Variants in BMP5 observed in about 807,000 individuals in gnomAD.
BMP5 encodes bone morphogenetic protein 5.
BMP5 carries 23 observed loss-of-function variants against 46.6 expected under a neutral mutation model. The observed-to-expected ratio is 0.49, with a 90% confidence interval of 0.35 to 0.70. The LOEUF (loss-of-function observed/expected upper bound fraction) is 0.70. BMP5 is among the 30% of genes least tolerant of loss of function. The pLI is 0.00. For synonymous variants in BMP5, 204 were observed against 191.9 expected, an observed-to-expected ratio of 1.06 and a Z score of -0.52; for missense variants, 545 against 565.6, an observed-to-expected ratio of 0.96 and a Z score of 0.37.
At position 55,861,219 on chromosome 6, in the gene BMP5, T is replaced by C. The variant is rs1211156442; in HGVS notation, c.490+13157A>G. ...CAGCCCAAACTTCCACTTTAGTAGG[T>C]TTCTACTAATTTGCTGGCCAATCCC... On this transcript the variant is annotated intron_variant, in intron 1 of 6. Coordinates refer to ENST00000370830, the MANE Select transcript of BMP5 (RefSeq NM_021073.4). Among the ~76,000 whole-genome samples, 20 of 152,156 alleles carry C rather than the reference T, an allele frequency of 1.3e-4. 1 individual carries two copies. Among genetic ancestry groups the C allele is most frequent in the Admixed American group, 1.3e-3 (20 of 15,278 alleles).
chr6:55,865,422 A>C, intron 1 of BMP5: 1 of 505,824 alleles, frequency 2.0e-6, no homozygotes, highest in South Asian at 1.4e-5. Context: ...TAGTATGAAA[A>C]GCACCTTTCA....
intron 2 of BMP5, among the ~76,000 whole-genome samples, chr6:55,806,260 G>T (rs112613388): frequency 0.012 from 1,873 of 152,244 alleles, 34 homozygotes; most frequent in African/African-American, 0.043. Flanking sequence ...GTGTAAGAAA[G>T]GGGTCCAGTT....
intron 5 of BMP5, 57 bp from the exon 6 acceptor site, chr6:55,759,172 A>AC (rs879042530): frequency 1.9e-5 from 14 of 738,720 alleles, no homozygotes; most frequent in Admixed American, 9.4e-5. Flanking sequence ...AAAAAAAAAA[A>AC]AAAAAAAAAA....
chr6:55,841,510 C>T (rs937158865), intron 1 of BMP5, among the ~76,000 whole-genome samples: 2 of 152,148 alleles, frequency 1.3e-5, no homozygotes, highest in Non-Finnish European at 2.9e-5. Context: ...CAAAATGCCA[C>T]AGACTGGTTA....
intron 1 of BMP5, among the ~76,000 whole-genome samples, chr6:55,867,120 T>A (rs1777660875): frequency 1.3e-5 from 2 of 152,172 alleles, no homozygotes; most frequent in South Asian, 4.1e-4. Context: ...ACTGCACCAA[T>A]GGGTTCTGTG....
chr6:55,794,937 G>A lies in BMP5; in HGVS notation c.684-510C>T, dbSNP rs372703716. Reference sequence around the variant, plus strand: ...TTATTTTATGGATACCAAACACCAAGAGAGTATTACAGAGTAATACCACTG... The same window carrying A: ...TTATTTTATGGATACCAAACACCAAAAGAGTATTACAGAGTAATACCACTG... On this transcript the variant is annotated intron_variant, in intron 2 of 6. Transcript: ENST00000370830. 4.9e-4 allele frequency among the ~76,000 whole-genome samples: 75 copies of A among 152,104 alleles called. No homozygotes were observed. In the South Asian group the frequency reaches 0.015, roughly 31 times the overall value.
chr6:55,787,324 T>C (rs888312602), intron 3 of BMP5, among the ~76,000 whole-genome samples: 12 of 151,736 alleles, frequency 7.9e-5, no homozygotes, highest in African/African-American at 2.9e-4. Flanking sequence ...GAACTCTGCA[T>C]TTCTCACACA....
In BMP5 at chr6:55,794,283, C is replaced by T. The variant is rs1447740061; in HGVS notation, c.828G>A (p.Gly276=). 3 of 1,613,836 alleles carry T rather than the reference C, an allele frequency of 1.9e-6. No homozygotes were observed. The highest frequency in any genetic ancestry group is 3.3e-5 in the Admixed American group (2 of 60,010). ...NLGLQLCAET[G]DGRSINVKSA... is the part of the protein sequence containing the mutation. ...TATATAAAATTCAGTGCTTACCATC[C>T]CCTGTTTCTGCACAGAGCTGTAAGC... is the stretch of plus-strand genomic sequence containing the variant. The change falls in exon 3 of 7, where the codon GGG becomes GGA. Residue 276 remains glycine (G), a synonymous_variant. Coordinates refer to ENST00000370830, the MANE Select transcript of BMP5 (RefSeq NM_021073.4).
At chr6:55,847,415 T>G (rs1777123512) in intron 1 of BMP5, among the ~76,000 whole-genome samples, 1 of 151,906 alleles carries the variant, frequency 6.6e-6, no homozygotes, top group Admixed American at 6.6e-5. Flanking sequence ...AAAATTAATC[T>G]TACAAAGTAA....
intron 1 of BMP5, among the ~76,000 whole-genome samples, chr6:55,841,694 A>C (rs967532498): frequency 9.9e-5 from 15 of 152,130 alleles, no homozygotes; most frequent in African/African-American, 3.4e-4. Context: ...CTCTCTGTGC[A>C]TACACACCCC....
intron 1 of BMP5, among the ~76,000 whole-genome samples, chr6:55,846,292 A>G (rs939726271): frequency 7.9e-5 from 12 of 152,012 alleles, no homozygotes; most frequent in Non-Finnish European, 1.6e-4. Flanking sequence ...ATAGGAAATA[A>G]AATAGAAAGG....
chr6:55,786,161 T>G (rs539295214), intron 3 of BMP5, among the ~76,000 whole-genome samples: 10 of 151,796 alleles, frequency 6.6e-5, no homozygotes, highest in African/African-American at 2.4e-4. Context: ...TAAGTTGGGG[T>G]TTGAATGTAA....
intron 1 of BMP5, among the ~76,000 whole-genome samples, chr6:55,821,112 G>A (rs1449155939): frequency 6.6e-6 from 1 of 152,102 alleles, no homozygotes; most frequent in African/African-American, 2.4e-5. Context: ...TAAGATTATG[G>A]AAGGGAAAAG....
intron 4 of BMP5, among the ~76,000 whole-genome samples, chr6:55,769,494 C>T (rs925486936): frequency 3.9e-5 from 6 of 151,980 alleles, no homozygotes; most frequent in African/African-American, 1.4e-4. Context: ...AGTTCTCTTG[C>T]TATTTCTACC....
chr6:55,767,113 C>T (rs558308552), intron 4 of BMP5, among the ~76,000 whole-genome samples: 2 of 151,924 alleles, frequency 1.3e-5, no homozygotes, highest in Non-Finnish European at 2.9e-5. Flanking sequence ...AGACACAATG[C>T]CTTAATGTCT....
intron 2 of BMP5, among the ~76,000 whole-genome samples, chr6:55,801,471 T>C (rs1485292423): frequency 1.3e-5 from 2 of 152,192 alleles, no homozygotes; most frequent in Non-Finnish European, 2.9e-5. Flanking sequence ...TCCTCATGGG[T>C]TCCAGATTAT....
chr6:55,811,651 GTCTC>G (rs147860096), intron 2 of BMP5, among the ~76,000 whole-genome samples: 1 of 149,000 alleles, frequency 6.7e-6, no homozygotes, highest in Non-Finnish European at 1.5e-5. Flanking sequence ...CTCTCTCTCT[GTCTC>G]TCTCTCTCTC....
Position 55,874,735 on chromosome 6 carries a change from C to G in BMP5, c.131G>C (p.Arg44Pro). 6.2e-7 allele frequency: 1 copy of G among 1,613,428 alleles called. No homozygotes were observed. Among genetic ancestry groups the G allele is most frequent in the South Asian group, 1.1e-5 (1 of 91,070 alleles). The change falls in exon 1 of 7, where the codon CGG (arginine) becomes CCG (proline). Residue 44 changes from arginine (R) to proline (P), a missense_variant. Coordinates refer to ENST00000370830, the MANE Select transcript of BMP5 (RefSeq NM_021073.4). ...VHSSFIYRRLRNHERREIQRE... is the reference protein window; with the variant it reads ...VHSSFIYRRLPNHERREIQRE... Reference sequence around the variant, plus strand: ...TTGTATTTCCCGTCTTTCGTGGTTCCGTAGTCTTCTATAAATAAAACTGGA... The same window carrying G: ...TTGTATTTCCCGTCTTTCGTGGTTCGGTAGTCTTCTATAAATAAAACTGGA...
chr6:55,834,442 T>C (rs1776740260), intron 1 of BMP5, among the ~76,000 whole-genome samples: 1 of 152,190 alleles, frequency 6.6e-6, no homozygotes, highest in Non-Finnish European at 1.5e-5. Flanking sequence ...CTCTTATCTC[T>C]GACATAGAAG....
Sources: gnomAD v4.1 joint callset for allele counts (sites outside exome capture counted in the v4.1 genomes callset) on GRCh38, gnomAD v4.1.1 for gene constraint, MANE v1.5 for transcripts, NCBI Gene and HGNC (gene_info 2026-07-23, HGNC 2026-07-21) for gene names.